MYH10: variants seen among roughly 807,000 people sequenced by gnomAD.
MYH10 encodes myosin heavy chain 10.
In MYH10, 55 loss-of-function variants were observed where a neutral mutation model predicts 257.8. The ratio of observed to expected loss-of-function variants is 0.21; its 90% CI spans 0.17 to 0.27. The LOEUF (loss-of-function observed/expected upper bound fraction) is 0.27, where lower values mean the gene tolerates loss of function less well. MYH10 is among the 10% of genes least tolerant of loss of function. MYH10 has a pLI of 1.00. For synonymous variants in MYH10, 854 were observed against 921.7 expected (o/e 0.93, Z 1.33); for missense variants, 1,631 against 2,500.6 (o/e 0.65, Z 7.42).
At chr17:8,563,619 A>G (rs949265355) in intron 7 of MYH10, among the ~76,000 whole-genome samples, 1 of 152,206 alleles carries the variant, frequency 6.6e-6, no homozygotes, top group East Asian at 1.9e-4. Context: ...TGATACTGTC[A>G]CATTTGCCTC....
Position 8,476,996 on chromosome 17 carries a change from G to T in MYH10, c.5759C>A (p.Ala1920Glu). ...MKQLKRQLEE[A>E]EEEATRANAS... ...GTTGGCACGCGTCGCTTCTTCTTCTGCTTCCTCCAGCTGGCGTTTAAGCTG... is the reference window on the plus strand; with the variant it reads ...GTTGGCACGCGTCGCTTCTTCTTCTTCTTCCTCCAGCTGGCGTTTAAGCTG... The change falls in exon 42 of 43, where the codon GCA becomes GAA. Residue 1920 changes from alanine (A) to glutamate (E), a missense_variant. By Grantham distance (107) the Ala-to-Glu change is moderately radical. Around this residue, in one of 11 missense-constraint regions of MYH10, gnomAD observed 343 missense variants for 389.5 expected, o/e 0.88. Transcript: ENST00000360416. The T allele has an allele frequency of 1.2e-6, 2 of 1,614,168 alleles. No homozygotes were observed. Among genetic ancestry groups the T allele is most frequent in the East Asian group, 4.5e-5 (2 of 44,882 alleles).
intron 14 of MYH10, among the ~76,000 whole-genome samples, chr17:8,541,818 C>T (rs777304768): frequency 1.3e-5 from 2 of 152,154 alleles, no homozygotes; most frequent in Non-Finnish European, 2.9e-5. Context: ...CAAATGCCAG[C>T]GCACAGGGCC....
chr17:8,615,683 T>C (rs2085232796), intron 2 of MYH10, among the ~76,000 whole-genome samples: 1 of 152,070 alleles, frequency 6.6e-6, no homozygotes, highest in Admixed American at 6.5e-5. Context: ...AGAAGAAAAA[T>C]CACATTATCA....
chr17:8,589,004 C>A, intron 4 of MYH10, 77 bp downstream of exon 4: 1 of 1,383,492 alleles, frequency 7.2e-7, no homozygotes, highest in South Asian at 1.2e-5. Context: ...CTACTTCTCC[C>A]CTCCCCCCAG....
intron 7 of MYH10, among the ~76,000 whole-genome samples, chr17:8,558,890 C>T (rs2082894671): frequency 6.6e-6 from 1 of 152,212 alleles, no homozygotes; most frequent in African/African-American, 2.4e-5. Context: ...TTCACATACA[C>T]ACCTGCTTTC....
intron 30 of MYH10, among the ~76,000 whole-genome samples, chr17:8,498,581 C>T (rs1210364674): frequency 6.6e-6 from 1 of 152,070 alleles, no homozygotes; most frequent in Non-Finnish European, 1.5e-5. Flanking sequence ...TGCACAGTAG[C>T]TCAGGCCTGT....
rs887092086 is a variant in MYH10, at chr17:8,490,601, A to G, written c.4672-49T>C. On this transcript the variant is annotated intron_variant, in intron 34 of 42. Transcript: ENST00000360416. This position sits in a 1 kb window ranked among gnomAD's most constrained non-coding sequence, Gnocchi z 4.1. ...AGAGTTGACCGGGGTGGAGGCACAT[A>G]TGAAGAACAGCAGTCTTACTGTTTT... 4 of 1,571,880 alleles carry G rather than the reference A, an allele frequency of 2.5e-6. No individual in the cohort carries two copies. The highest frequency in any genetic ancestry group is 4.5e-5 in the East Asian group (2 of 44,558).
intron 7 of MYH10, chr17:8,561,311 C>T (rs944380053): frequency 1.4e-5 from 15 of 1,101,040 alleles, no homozygotes; most frequent in South Asian, 3.7e-5. Flanking sequence ...TAACTGTGCC[C>T]GATGCATGCC....
chr17:8,490,910 AC>A lies in MYH10; in HGVS notation c.4672-359del, dbSNP rs1490066886. Among the ~76,000 whole-genome samples the A allele has an allele frequency of 6.6e-6, 1 of 152,202 alleles. No homozygotes were observed. Among genetic ancestry groups the A allele is most frequent in the African/African-American group, 2.4e-5 (1 of 41,452 alleles). ...ACTCCTTGCCTGCTGTCTGTGAGGA[AC>A]AAGTACAACAGTACATCTCTTCTTG... On this transcript the variant is annotated intron_variant, in intron 34 of 42. Transcript: ENST00000360416. The surrounding 1 kb of genome is among the most constrained non-coding windows in gnomAD (Gnocchi z 4.1).
At chr17:8,587,138 C>A (rs1359143984) in intron 4 of MYH10, among the ~76,000 whole-genome samples, 1 of 152,116 alleles carries the variant, frequency 6.6e-6, no homozygotes, top group East Asian at 1.9e-4. Context: ...GAGAAGAAAC[C>A]AAGGCACCCC....
Position 8,535,385 on chromosome 17 carries a change from AC to A in MYH10, c.1894+1del. On this transcript the variant is annotated splice_donor_variant, in intron 16 of 42. Coordinates refer to ENST00000360416, the MANE Select transcript of MYH10 (RefSeq NM_001256012.3). LOFTEE classifies it high-confidence loss of function. The surrounding 1 kb of genome is among the most constrained non-coding windows in gnomAD (Gnocchi z 4.3). ...TGATTACAAAGATAAGCACTTTCTT[AC>A]CATCTTTCCAAAGCTCTGCCACAAA... 2 of 1,610,752 alleles carry A rather than the reference AC, an allele frequency of 1.2e-6. No individual in the cohort carries two copies. Among genetic ancestry groups the A allele is most frequent in the Non-Finnish European group, 1.7e-6 (2 of 1,177,478 alleles).
intron 24 of MYH10, 91 bp downstream of exon 24, chr17:8,512,360 A>C (rs1183828864): frequency 9.6e-7 from 1 of 1,046,224 alleles, no homozygotes. Context: ...TTCTCTGTGG[A>C]CTTAAGAATC....
chr17:8,484,278 TAAG>T lies in MYH10; in HGVS notation c.5047-15_5047-13del, dbSNP rs775348294. The T allele has an allele frequency of 5.0e-6, 8 of 1,599,264 alleles. No homozygotes were observed. Among genetic ancestry groups the T allele is most frequent in the African/African-American group, 2.7e-5 (2 of 73,872 alleles). On this transcript the variant is annotated splice_polypyrimidine_tract_variant and intron_variant, in intron 36 of 42. Transcript: ENST00000360416. The stretch of plus-strand genomic sequence containing the variant: ...TCCTTCATCTGAGCCTAAGATTAAA[TAAG>T]AAGGTTTTGGGGTGGTTTACATTCT...
chr17:8,478,732 T>C (rs1247101239), intron 40 of MYH10, among the ~76,000 whole-genome samples: 4 of 152,184 alleles, frequency 2.6e-5, no homozygotes, highest in African/African-American at 9.7e-5. Flanking sequence ...CTCAGTTATC[T>C]TACTTTGTTT....
intron 2 of MYH10, among the ~76,000 whole-genome samples, chr17:8,605,317 GTA>G (rs1166066703): frequency 2.0e-5 from 3 of 152,256 alleles, no homozygotes; most frequent in Admixed American, 2.0e-4. Flanking sequence ...TCTCTCATGA[GTA>G]CACAAGCTAT....
At chr17:8,544,269 C>T (rs1359228125) in intron 13 of MYH10, among the ~76,000 whole-genome samples, 2 of 152,110 alleles carry the variant, frequency 1.3e-5, no homozygotes, top group Non-Finnish European at 1.5e-5. Flanking sequence ...CAGGGTGTGT[C>T]TCCTCACTTG....
At chr17:8,480,650 C>T in intron 38 of MYH10, 125 bp from the exon 39 acceptor site, 1 of 1,294,694 alleles carries the variant, frequency 7.7e-7, no homozygotes, top group East Asian at 2.5e-5. Context: ...TTTCTCTTTC[C>T]CCTGCACTCA....
intron 34 of MYH10, 99 bp downstream of exon 34, chr17:8,492,198 C>T: frequency 8.3e-7 from 1 of 1,199,682 alleles, no homozygotes; most frequent in African/African-American, 1.5e-5. Flanking sequence ...ATTCCCAGGT[C>T]CTTCAGGCTC....
intron 17 of MYH10, 125 bp from the exon 18 acceptor site, chr17:8,521,410 G>T (rs2081651186): frequency 1.0e-6 from 1 of 983,768 alleles, no homozygotes; most frequent in African/African-American, 1.6e-5. Context: ...TGCCATATAG[G>T]TAAGGCAGTC....
Sources: allele counts gnomAD v4.1 joint callset (sites outside exome capture counted in the v4.1 genomes callset), GRCh38; gene constraint gnomAD v4.1.1; regional missense constraint gnomAD v4.1.1; non-coding constraint Gnocchi (gnomAD v3.1); transcripts MANE v1.5; gene names NCBI Gene and HGNC (gene_info 2026-07-23, HGNC 2026-07-21).